GALNT13: variants seen among roughly 807,000 people sequenced by gnomAD.
GALNT13 encodes polypeptide N-acetylgalactosaminyltransferase 13.
Under a neutral mutation model 64.2 loss-of-function variants are expected in GALNT13, and 28 were observed. That is an observed-to-expected ratio of 0.44 (90% CI 0.32 to 0.60). The LOEUF (loss-of-function observed/expected upper bound fraction) is 0.60, where lower values mean the gene tolerates loss of function less well. Among genes scored for constraint, GALNT13 ranks in the 20% least tolerant of loss-of-function variants. The pLI is 0.05. For missense variants in GALNT13, 577 were observed against 669.8 expected, an observed-to-expected ratio of 0.86 and a Z score of 1.53; for synonymous variants, 214 against 224.6, an observed-to-expected ratio of 0.95 and a Z score of 0.42.
At chr2:153,758,814 A>G in the GALNT13 span, among the ~76,000 whole-genome samples, 1 of 151,880 alleles carries the variant, frequency 6.6e-6, no homozygotes, top group Non-Finnish European at 1.5e-5. Flanking sequence ...CTGGTCTTGA[A>G]CTCCTGTGCT....
the GALNT13 span, among the ~76,000 whole-genome samples, chr2:153,166,592 A>G: frequency 7.0e-6 from 1 of 143,786 alleles, no homozygotes; most frequent in Non-Finnish European, 1.5e-5. Flanking sequence ...GCTGCTTTTA[A>G]GCTAATTTTC....
At chr2:153,975,456 C>G (rs1321653012) in intron 3 of GALNT13, among the ~76,000 whole-genome samples, 1 of 152,068 alleles carries the variant, frequency 6.6e-6, no homozygotes, top group Non-Finnish European at 1.5e-5. Context: ...TTTCTCTGCA[C>G]TCAGGCCTTC....
the GALNT13 span, among the ~76,000 whole-genome samples, chr2:153,419,919 A>T: frequency 4.6e-5 from 7 of 152,172 alleles, no homozygotes; most frequent in Admixed American, 4.6e-4. Context: ...AGTGGATTTT[A>T]AAAAAGTAGT....
chr2:153,329,976 G>C, the GALNT13 span, among the ~76,000 whole-genome samples: 12 of 152,282 alleles, frequency 7.9e-5, no homozygotes, highest in African/African-American at 2.9e-4. Context: ...CAGCAGTCCA[G>C]TTTCATTCTT....
At chr2:154,150,260 G>A (rs990426191) in intron 4 of GALNT13, among the ~76,000 whole-genome samples, 2 of 152,120 alleles carry the variant, frequency 1.3e-5, no homozygotes, top group African/African-American at 2.4e-5. Flanking sequence ...AACCAGCCTT[G>A]CATCCCAGGG....
chr2:153,805,927 T>C, the GALNT13 span, among the ~76,000 whole-genome samples: 1 of 151,944 alleles, frequency 6.6e-6, no homozygotes, highest in Non-Finnish European at 1.5e-5. Context: ...GAATTAAGAG[T>C]ATCCTGATTT....
the GALNT13 span, among the ~76,000 whole-genome samples, chr2:153,649,422 G>C: frequency 4.0e-5 from 6 of 151,426 alleles, no homozygotes; most frequent in Non-Finnish European, 7.4e-5. Context: ...CCAGCTCCTG[G>C]ATTCATTAAT....
Position 154,301,506 on chromosome 2 carries a change from G to C in GALNT13, c.1073G>C (p.Gly358Ala), listed in dbSNP as rs1436054660. 2.5e-6 allele frequency: 4 copies of C among 1,613,614 alleles called. No homozygotes were observed. Among genetic ancestry groups the C allele is most frequent in the Non-Finnish European group, 3.4e-6 (4 of 1,179,610 alleles). The change falls in exon 9 of 13, where the codon GGT becomes GCT. Residue 358 changes from glycine to alanine, a missense_variant. By Grantham distance (60) the Gly-to-Ala change is moderately conservative (BLOSUM62 0). Coordinates refer to ENST00000392825, the MANE Select transcript of GALNT13 (RefSeq NM_052917.4). ...ATPYTFPGGT[G>A]HVINKNNRRL... Reference sequence around the variant, plus strand: ...CCATACACTTTTCCTGGTGGCACTGGTCATGTCATCAACAAGAACAACAGG... The same window carrying C: ...CCATACACTTTTCCTGGTGGCACTGCTCATGTCATCAACAAGAACAACAGG...
intron 8 of GALNT13, among the ~76,000 whole-genome samples, chr2:154,284,520 TACACACACACACACAC>T (rs372990123): frequency 1.4e-5 from 2 of 145,754 alleles, no homozygotes; most frequent in Non-Finnish European, 3.0e-5. Flanking sequence ...TACATATAGC[TACACACACACACACAC>T]ACACACACAC....
the GALNT13 span, among the ~76,000 whole-genome samples, chr2:153,172,572 G>C: frequency 2.8e-4 from 43 of 152,234 alleles, no homozygotes; most frequent in African/African-American, 1.0e-3. Context: ...CAGGTCATGA[G>C]CTAGGGCTCT....
intron 9 of GALNT13, among the ~76,000 whole-genome samples, chr2:154,341,981 A>G (rs1197657741): frequency 6.6e-6 from 1 of 152,092 alleles, no homozygotes; most frequent in African/African-American, 2.4e-5. Context: ...TATGACTCAA[A>G]GTTTTGAGCC....
At chr2:153,390,868 GA>G in the GALNT13 span, among the ~76,000 whole-genome samples, 22 of 152,116 alleles carry the variant, frequency 1.4e-4, no homozygotes, top group South Asian at 4.4e-3. Flanking sequence ...AAGATGGGGG[GA>G]AGATGATAAA....
In GALNT13 at chr2:154,123,295, G is replaced by A. The variant is rs546542010; in HGVS notation, c.143-17042G>A. Reference sequence around the variant, plus strand: ...ATTGAGAAAGTATTTTTTTGTTCATGTGGACATAGTGTGTATTTCTATAAA... The same window carrying A: ...ATTGAGAAAGTATTTTTTTGTTCATATGGACATAGTGTGTATTTCTATAAA... On this transcript the variant is annotated intron_variant, in intron 3 of 12. Transcript: ENST00000392825. Among the ~76,000 whole-genome samples the A allele has an allele frequency of 2.0e-4, 30 of 152,042 alleles. No homozygotes were observed. The South Asian group carries it at 5.4e-3, about 27-fold the overall frequency.
At chr2:153,426,411 A>G in the GALNT13 span, among the ~76,000 whole-genome samples, 1 of 151,984 alleles carries the variant, frequency 6.6e-6, no homozygotes, top group Admixed American at 6.6e-5. Flanking sequence ...GTACTAAGGT[A>G]ATGTGGAGAG....
chr2:153,206,309 T>G, the GALNT13 span, among the ~76,000 whole-genome samples: 82 of 152,240 alleles, frequency 5.4e-4, 1 homozygote, highest in Admixed American at 2.6e-3. Flanking sequence ...CAGCCTGCTT[T>G]TCACTGCTTG....
At chr2:153,179,046 A>G in the GALNT13 span, among the ~76,000 whole-genome samples, 1 of 152,050 alleles carries the variant, frequency 6.6e-6, no homozygotes, top group Non-Finnish European at 1.5e-5. Context: ...CCCAGCCACA[A>G]TCCCATTTTT....
chr2:154,148,316 A>C (rs978357692), intron 4 of GALNT13, among the ~76,000 whole-genome samples: 2 of 151,970 alleles, frequency 1.3e-5, no homozygotes, highest in African/African-American at 4.8e-5. Flanking sequence ...TTCTTAATCC[A>C]GTCTATCATT....
At chr2:153,401,206 G>T in the GALNT13 span, among the ~76,000 whole-genome samples, 1 of 152,074 alleles carries the variant, frequency 6.6e-6, no homozygotes, top group Non-Finnish European at 1.5e-5. Flanking sequence ...TCAGGAGCAG[G>T]TTGTTCAGTT....
chr2:153,605,131 C>T, the GALNT13 span, among the ~76,000 whole-genome samples: 1 of 152,076 alleles, frequency 6.6e-6, no homozygotes. Context: ...AAATGAAAAG[C>T]CTGTGTGCTC....
Sources: gnomAD v4.1 joint callset for allele counts (sites outside exome capture counted in the v4.1 genomes callset) on GRCh38, gnomAD v4.1.1 for gene constraint, MANE v1.5 for transcripts, NCBI Gene and HGNC (gene_info 2026-07-23, HGNC 2026-07-21) for gene names.